Variants in G3BP2 observed in about 807,000 individuals in gnomAD.
G3BP2 encodes the protein G3BP stress granule assembly factor 2.
In G3BP2, 11 loss-of-function variants were observed where a neutral mutation model predicts 56.7. That is an observed-to-expected ratio of 0.19 (90% confidence interval 0.12 to 0.32). The LOEUF (loss-of-function observed/expected upper bound fraction) is 0.32. Ranked by LOEUF, G3BP2 falls within the 10% of genes least tolerant of loss-of-function variation. The pLI, the probability that G3BP2 is intolerant of heterozygous loss-of-function variation, is 1.00. For synonymous variants in G3BP2, 165 were observed against 191.6 expected (o/e 0.86, Z 1.15); for missense variants, 340 against 610.9 (o/e 0.56, Z 4.67).
intron 8 of G3BP2, among the ~76,000 whole-genome samples, chr4:75,651,849 T>C (rs1731719757): frequency 1.3e-5 from 2 of 152,226 alleles, no homozygotes; most frequent in Admixed American, 1.3e-4. Context: ...ATAAGCTTTG[T>C]AGGTGAACTA....
intron 3 of G3BP2, among the ~76,000 whole-genome samples, chr4:75,688,433 T>C (rs1718714699): frequency 6.6e-6 from 1 of 152,212 alleles, no homozygotes; most frequent in Admixed American, 6.5e-5. Context: ...TTGTTGTGTG[T>C]ATTTTAAATG....
intron 3 of G3BP2, among the ~76,000 whole-genome samples, chr4:75,684,961 A>C (rs991293338): frequency 2.0e-5 from 3 of 152,236 alleles, no homozygotes; most frequent in Non-Finnish European, 4.4e-5. Flanking sequence ...TTTTTTATTA[A>C]AAAGTCATGT....
At chr4:75,656,774 AACG>A (rs1415276576) in intron 5 of G3BP2, 147 bp downstream of exon 5, 4 of 600,870 alleles carry the variant, frequency 6.7e-6, no homozygotes, top group Non-Finnish European at 1.2e-5. Flanking sequence ...TTTTTGTAAC[AACG>A]ACAACAACAA....
At chr4:75,706,833 AGCAAATCGGAGTG>A (rs1430060466) in intron 3 of G3BP2, among the ~76,000 whole-genome samples, 1 of 152,224 alleles carries the variant, frequency 6.6e-6, no homozygotes, top group Non-Finnish European at 1.5e-5. Context: ...AATGACAAGT[AGCAAATCGGAGTG>A]GAAAGGACTA....
At chr4:75,701,514 C>G (rs985592746) in intron 3 of G3BP2, among the ~76,000 whole-genome samples, 1 of 151,874 alleles carries the variant, frequency 6.6e-6, no homozygotes. Context: ...CAGCAACCTC[C>G]GCCTCCCAGG....
intron 1 of G3BP2, among the ~76,000 whole-genome samples, chr4:75,670,869 A>G (rs941067620): frequency 6.6e-6 from 1 of 152,212 alleles, no homozygotes; most frequent in African/African-American, 2.4e-5. Context: ...CAGCTCTTCC[A>G]ACAATACAAA....
intron 7 of G3BP2, among the ~76,000 whole-genome samples, chr4:75,654,324 A>C (rs1731921347): frequency 6.6e-6 from 1 of 152,226 alleles, no homozygotes; most frequent in Non-Finnish European, 1.5e-5. Flanking sequence ...GTTCCTACGT[A>C]CTCTAAGTAG....
Position 75,655,845 on chromosome 4 carries a change from T to G in G3BP2, c.468A>C (p.Glu156Asp), listed in dbSNP as rs768971598. The change falls in exon 6 of 12, where the codon GAA (glutamate) becomes GAC (aspartate). Residue 156 changes from glutamate (E) to aspartate (D), a missense_variant. Glu to Asp is a conservative substitution (Grantham distance 45, BLOSUM62 2). This residue lies in a region of G3BP2 where 224 missense variants were observed against 332.5 expected (regional missense o/e 0.67). Coordinates refer to ENST00000359707, the MANE Select transcript of G3BP2 (RefSeq NM_203505.3). ...CAGGAGATGGTTGTCTTTCTTCTTGTTCCTCTTCTACTTCATCTTCTGATT... is the reference window on the plus strand; with the variant it reads ...CAGGAGATGGTTGTCTTTCTTCTTGGTCCTCTTCTACTTCATCTTCTGATT... ...DEESEDEVEE[E>D]QEERQPSPEP... 1.3e-5 allele frequency: 20 copies of G among 1,584,580 alleles called. No homozygotes were observed. The highest frequency in any genetic ancestry group is 1.7e-5 in the Non-Finnish European group (20 of 1,153,286).
At chr4:75,676,399 A>G (rs1241529869), upstream of G3BP2, among the ~76,000 whole-genome samples, 2 of 140,368 alleles carry the variant, frequency 1.4e-5, no homozygotes, top group Non-Finnish European at 3.0e-5. Flanking sequence ...CTGGAGTGCA[A>G]TGGCATGATC....
At chr4:75,722,144 TAAG>T (rs1315190852) in intron 2 of G3BP2, among the ~76,000 whole-genome samples, 2 of 152,106 alleles carry the variant, frequency 1.3e-5, no homozygotes, top group African/African-American at 4.8e-5. Context: ...TCCTCTGAAA[TAAG>T]GAGTCTATTT....
chr4:75,659,393 G>A (rs1732368000), intron 2 of G3BP2, among the ~76,000 whole-genome samples: 1 of 152,102 alleles, frequency 6.6e-6, no homozygotes, highest in Non-Finnish European at 1.5e-5. Context: ...GGCTTAAACT[G>A]TTTAGATTTA....
intron 3 of G3BP2, among the ~76,000 whole-genome samples, chr4:75,683,519 G>A (rs1021185291): frequency 1.6e-4 from 24 of 151,818 alleles, no homozygotes; most frequent in Admixed American, 1.6e-3. Flanking sequence ...AGCCGAGATT[G>A]TGCCATTGCA....
chr4:75,655,924 C>T (rs766322308), intron 5 of G3BP2, 54 bp from the exon 6 acceptor site: 40 of 928,396 alleles, frequency 4.3e-5, no homozygotes, highest in African/African-American at 8.2e-5. Flanking sequence ...CAATTTCTAA[C>T]GGACATATTT....
chr4:75,696,553 G>A (rs781747617), intron 3 of G3BP2, among the ~76,000 whole-genome samples: 1 of 152,200 alleles, frequency 6.6e-6, no homozygotes, highest in Non-Finnish European at 1.5e-5. Context: ...GGGTCACTGC[G>A]CATCAGGCTG....
chr4:75,706,513 A>G (rs1719550945), intron 3 of G3BP2, among the ~76,000 whole-genome samples: 1 of 152,142 alleles, frequency 6.6e-6, no homozygotes, highest in Non-Finnish European at 1.5e-5. Flanking sequence ...CCCCATGTCT[A>G]CTAAAAATAC....
intron 3 of G3BP2, among the ~76,000 whole-genome samples, chr4:75,699,034 C>T (rs1235845900): frequency 6.6e-6 from 1 of 152,170 alleles, no homozygotes; most frequent in Non-Finnish European, 1.5e-5. Flanking sequence ...ATGCCAGCAT[C>T]TGTACCCACC....
At chr4:75,674,716 ATATTTTTTTTT>A (rs1488570947), upstream of G3BP2, among the ~76,000 whole-genome samples, 48 of 53,054 alleles carry the variant, frequency 9.0e-4, no homozygotes, top group South Asian at 9.5e-3. Flanking sequence ...ATATATATAT[ATATTTTTTTTT>A]TTTTTTTTTT....
chr4:75,719,827 G>T (rs1720084035), intron 3 of G3BP2, among the ~76,000 whole-genome samples: 1 of 151,946 alleles, frequency 6.6e-6, no homozygotes, highest in African/African-American at 2.4e-5. Flanking sequence ...GACCTCAGGT[G>T]ATCCACCCGC....
intron 3 of G3BP2, among the ~76,000 whole-genome samples, chr4:75,701,003 A>G (rs1275665718): frequency 6.7e-6 from 1 of 148,960 alleles, no homozygotes; most frequent in Non-Finnish European, 1.5e-5. Flanking sequence ...CACACCTGCT[A>G]TATATTTTTT....
Sources: allele counts gnomAD v4.1 joint callset (sites outside exome capture counted in the v4.1 genomes callset), GRCh38; gene constraint gnomAD v4.1.1; regional missense constraint gnomAD v4.1.1; transcripts MANE v1.5; gene names NCBI Gene and HGNC (gene_info 2026-07-23, HGNC 2026-07-21).